The following CAMK1D variants were observed in gnomAD, a reference collection of about 807,000 sequenced individuals.
The protein encoded by CAMK1D is calcium/calmodulin-dependent protein kinase type 1D.
Under a neutral mutation model 47.7 loss-of-function variants are expected in CAMK1D, and 9 were observed. The ratio of observed to expected loss-of-function variants is 0.19; its 90% CI spans 0.11 to 0.33. The LOEUF (loss-of-function observed/expected upper bound fraction) is 0.33, where lower values mean the gene tolerates loss of function less well. CAMK1D is among the 10% of genes least tolerant of loss of function. CAMK1D has a pLI of 1.00. For missense variants in CAMK1D, 291 were observed against 488.7 expected (o/e 0.60, Z 3.81); for synonymous variants, 184 against 184.9 (o/e 0.99, Z 0.04).
chr10:12,797,489 G>A (rs1838246861), intron 6 of CAMK1D, among the ~76,000 whole-genome samples: 1 of 151,928 alleles, frequency 6.6e-6, no homozygotes, highest in Non-Finnish European at 1.5e-5. Context: ...TTACAGGTAT[G>A]AGCCACAGTG....
intron 8 of CAMK1D, among the ~76,000 whole-genome samples, chr10:12,821,390 A>G (rs546532428): frequency 1.1e-3 from 162 of 152,284 alleles, no homozygotes; most frequent in African/African-American, 3.6e-3. Flanking sequence ...CCCCGCTCCC[A>G]TCTTCTGGGC....
At chr10:12,373,203 C>T (rs1838053844) in intron 1 of CAMK1D, among the ~76,000 whole-genome samples, 1 of 151,664 alleles carries the variant, frequency 6.6e-6, no homozygotes, top group Non-Finnish European at 1.5e-5. Flanking sequence ...GTCCCAGCTA[C>T]TTTGGAGACT....
chr10:12,491,016 A>G (rs1392753584), intron 1 of CAMK1D, among the ~76,000 whole-genome samples: 2 of 152,212 alleles, frequency 1.3e-5, no homozygotes, highest in African/African-American at 4.8e-5. Context: ...GGGAATTTCT[A>G]TGAAGGAAAA....
chr10:12,574,468 ATTTTTTTTTT>A lies in CAMK1D; in HGVS notation c.224+21132_224+21141del, dbSNP rs1171556305. ...AGGTGCACACCACCACGCCTAGCTA[ATTTTTTTTTT>A]TTTTTTTTTTTTTTTTTTTAGTAGA... On this transcript the variant is annotated intron_variant, in intron 2 of 10. Transcript: ENST00000619168. 3.0e-3 allele frequency among the ~76,000 whole-genome samples: 186 copies of A among 61,378 alleles called. 3 individuals are homozygous for A. Among genetic ancestry groups the A allele is most frequent in the African/African-American group, 0.01 (141 of 13,606 alleles). The allele number at this position is 61,378 out of a possible 152,430, so 40.3% of individuals were successfully genotyped here.
chr10:12,454,698 A>G (rs143947876), intron 1 of CAMK1D, among the ~76,000 whole-genome samples: 24 of 149,504 alleles, frequency 1.6e-4, no homozygotes, highest in African/African-American at 5.2e-4. Flanking sequence ...CCTGGACTCA[A>G]GTGATCCTCC....
intron 1 of CAMK1D, among the ~76,000 whole-genome samples, chr10:12,384,596 CTT>C (rs918297868): frequency 2.0e-5 from 3 of 152,028 alleles, no homozygotes; most frequent in Non-Finnish European, 4.4e-5. Context: ...GAAGAATAGT[CTT>C]TTGAAAAAAT....
At chr10:12,673,260 C>T (rs569047832) in intron 3 of CAMK1D, among the ~76,000 whole-genome samples, 3 of 152,190 alleles carry the variant, frequency 2.0e-5, no homozygotes, top group African/African-American at 7.2e-5. Flanking sequence ...CAATTGACAG[C>T]TTAAAACATG....
Position 12,656,093 on chromosome 10 carries a change from C to T in CAMK1D, c.225-10643C>T, listed in dbSNP as rs79250900. ...CTGGTTGATTTCTAGACAAGGAAAC[C>T]GAGACCCAGGAAGGGGATGTGACCA... On this transcript the variant is annotated intron_variant, in intron 2 of 10. Transcript: ENST00000619168. Among the ~76,000 whole-genome samples the T allele has an allele frequency of 1.9e-3, 292 of 152,236 alleles. 1 individual carries two copies. Among genetic ancestry groups the T allele is most frequent in the African/African-American group, 6.1e-3 (255 of 41,526 alleles).
At chr10:12,439,689 A>C (rs1832729421) in intron 1 of CAMK1D, among the ~76,000 whole-genome samples, 1 of 152,264 alleles carries the variant, frequency 6.6e-6, no homozygotes, top group Admixed American at 6.5e-5. Context: ...ATATAAGACG[A>C]ATCTGAGGAG....
At chr10:12,478,182 A>AT (rs1323673115) in intron 1 of CAMK1D, among the ~76,000 whole-genome samples, 1 of 149,344 alleles carries the variant, frequency 6.7e-6, no homozygotes, top group Non-Finnish European at 1.5e-5. Flanking sequence ...ATTTTTTTGT[A>AT]TTTTTTTAGT....
chr10:12,357,048 T>TCTCTCTCCTCCTGCTTCTCCTC (rs1331452884), intron 1 of CAMK1D, among the ~76,000 whole-genome samples: 1 of 152,162 alleles, frequency 6.6e-6, no homozygotes, highest in East Asian at 1.9e-4. Flanking sequence ...TCCCCTTCAA[T>TCTCTCTCCTCCTGCTTCTCCTC]CTCTCTCCTC....
chr10:12,612,021 A>G (rs756566054), intron 2 of CAMK1D, among the ~76,000 whole-genome samples: 2 of 152,252 alleles, frequency 1.3e-5, no homozygotes, highest in Non-Finnish European at 2.9e-5. Flanking sequence ...CTTGCTGGAC[A>G]CGGTAGATAA....
At chr10:12,380,058 C>CA (rs1334935475) in intron 1 of CAMK1D, among the ~76,000 whole-genome samples, 2 of 150,742 alleles carry the variant, frequency 1.3e-5, no homozygotes, top group South Asian at 2.1e-4. Context: ...ACTAAAAATG[C>CA]AAAAAAATTA....
At chr10:12,534,167 T>G (rs1835894639) in intron 1 of CAMK1D, among the ~76,000 whole-genome samples, 1 of 150,826 alleles carries the variant, frequency 6.6e-6, no homozygotes, top group Admixed American at 6.7e-5. Context: ...TCTATCTATC[T>G]GTCTATCTAT....
rs149286700 is a variant in CAMK1D at position 12,480,308 on chromosome 10, G to T, written c.93-72917G>T. On this transcript the variant is annotated intron_variant, in intron 1 of 10. Coordinates refer to ENST00000619168, the MANE Select transcript of CAMK1D (RefSeq NM_153498.4). ...AAATTAGCTGGACGTGATAGCGCAC[G>T]CCTGCAATCTCAGCTACTCGGGAGG... Among the ~76,000 whole-genome samples the T allele has an allele frequency of 2.4e-3, 370 of 152,184 alleles. 7 individuals carry two copies. Among genetic ancestry groups the T allele is most frequent in the East Asian group, 2.9e-3 (15 of 5,186 alleles).
At chr10:12,787,003 A>G (rs1389093047) in intron 5 of CAMK1D, among the ~76,000 whole-genome samples, 1 of 152,138 alleles carries the variant, frequency 6.6e-6, no homozygotes, top group Non-Finnish European at 1.5e-5. Flanking sequence ...CACATATGTA[A>G]TCCCAGCTGC....
At chr10:12,743,360 GAAAAAAGA>G (rs1407314816) in intron 3 of CAMK1D, among the ~76,000 whole-genome samples, 5 of 105,832 alleles carry the variant, frequency 4.7e-5, no homozygotes, top group African/African-American at 1.3e-4. Flanking sequence ...AAAAAAAAAA[GAAAAAAGA>G]AAAAAAGAAA....
chr10:12,788,701 C>A (rs1837843081), intron 5 of CAMK1D, among the ~76,000 whole-genome samples: 1 of 152,192 alleles, frequency 6.6e-6, no homozygotes, highest in South Asian at 2.1e-4. Flanking sequence ...GTAAATGTGG[C>A]TCCCTTTTGT....
chr10:12,492,722 C>G (rs193207343), intron 1 of CAMK1D, among the ~76,000 whole-genome samples: 50 of 152,318 alleles, frequency 3.3e-4, no homozygotes, highest in African/African-American at 1.1e-3. Flanking sequence ...CATTTAAGGG[C>G]CACAGGACCC....
Sources: gnomAD v4.1 joint callset for allele counts (sites outside exome capture counted in the v4.1 genomes callset) on GRCh38, gnomAD v4.1.1 for gene constraint, MANE v1.5 for transcripts, NCBI Gene and HGNC (gene_info 2026-07-23, HGNC 2026-07-21) for gene names.